The following SACS variants were observed in gnomAD, a reference collection of about 807,000 sequenced individuals.
SACS encodes sacsin.
A neutral mutation model predicts 348.0 loss-of-function variants in SACS; 197 were observed. That is an observed-to-expected ratio of 0.57 (90% confidence interval 0.50 to 0.64). SACS has a LOEUF of 0.64. Ranked by LOEUF, SACS falls within the 30% of genes least tolerant of loss-of-function variation. The pLI, the probability that SACS is intolerant of heterozygous loss-of-function variation, is 0.00. For synonymous variants in SACS, 1,985 were observed against 1,910.6 expected (o/e 1.04, Z -1.02); for missense variants, 4,999 against 5,360.8 (o/e 0.93, Z 2.11).
chr13:23,330,761 G>A lies in SACS; in HGVS notation c.13115C>T (p.Ala4372Val). The A allele has an allele frequency of 5.0e-6, 8 of 1,613,748 alleles. No homozygotes were observed. The highest frequency in any genetic ancestry group is 6.8e-6 in the Non-Finnish European group (8 of 1,179,886). The change falls in exon 10 of 10, where the codon GCA (alanine) becomes GTA (valine). Residue 4372 changes from alanine to valine, a missense_variant. Physicochemically the swap from Ala to Val is moderately conservative, Grantham distance 64. Transcript: ENST00000382292. ...LEKQAFLDQN[A>V]DRASRRTFST... ...AAATGTTCGTCTGGAGGCCCTGTCT[G>A]CATTTTGATCTAGAAAAGCCTGTTT...
At chr13:23,359,892 G>A (rs901869650) in intron 6 of SACS, among the ~76,000 whole-genome samples, 1 of 152,138 alleles carries the variant, frequency 6.6e-6, no homozygotes, top group Middle Eastern at 3.2e-3. Context: ...ACATGGGGAT[G>A]TGACCCAGTT....
Position 23,336,764 on chromosome 13 carries a change from A to C in SACS, c.7112T>G (p.Leu2371Arg). 1 of 1,613,964 alleles carries C rather than the reference A, an allele frequency of 6.2e-7. No homozygotes were observed. Among genetic ancestry groups the C allele is most frequent in the Non-Finnish European group, 8.5e-7 (1 of 1,179,878 alleles). The change falls in exon 10 of 10, where the codon CTT becomes CGT. Residue 2371 changes from leucine to arginine, a missense_variant. Coordinates refer to ENST00000382292, the MANE Select transcript of SACS (RefSeq NM_014363.6). ...FHLNFEAAPYLYQLPNKYKNN... is the reference protein window; with the variant it reads ...FHLNFEAAPYRYQLPNKYKNN... ...TTTATACTTATTAGGCAACTGATAA[A>C]GGTATGGTGCCGCCTCAAAATTTAA... is the stretch of plus-strand genomic sequence containing the variant.
chr13:23,392,100 C>T (rs1265241666), intron 2 of SACS, among the ~76,000 whole-genome samples: 1 of 152,146 alleles, frequency 6.6e-6, no homozygotes, highest in African/African-American at 2.4e-5. Flanking sequence ...CTACCGGGTC[C>T]CCCCAACTTG....
intron 1 of SACS, among the ~76,000 whole-genome samples, chr13:23,417,374 G>T (rs927270796): frequency 6.6e-6 from 1 of 152,172 alleles, no homozygotes; most frequent in African/African-American, 2.4e-5. Flanking sequence ...GGGAAGACTT[G>T]CTCTAGAAGA....
chr13:23,405,191 T>G (rs111729896), intron 2 of SACS, among the ~76,000 whole-genome samples: 1,641 of 152,288 alleles, frequency 0.011, 22 homozygotes, highest in African/African-American at 0.037. Context: ...CAAAACAGCA[T>G]GGTACTGGTA....
chr13:23,426,008 T>C (rs73154646), intron 1 of SACS, among the ~76,000 whole-genome samples: 308 of 152,336 alleles, frequency 2.0e-3, no homozygotes, highest in Non-Finnish European at 3.3e-3. Flanking sequence ...TTCAGTCTCA[T>C]AACAGCCTAG....
chr13:23,375,472 G>T, intron 2 of SACS: 1 of 1,163,870 alleles, frequency 8.6e-7, no homozygotes, highest in Non-Finnish European at 1.1e-6. Context: ...GGATCCGCAT[G>T]GCGCAGTCCC....
In SACS at chr13:23,330,445, A is replaced by G. The variant is rs1223955498; in HGVS notation, c.13431T>C (p.Cys4477=). Residue 4477 remains cysteine (C), a synonymous_variant, in exon 10 of 10, where the codon TGT becomes TGC. Coordinates refer to ENST00000382292, the MANE Select transcript of SACS (RefSeq NM_014363.6). ...TCAAAGCTAACTTGGTAGAAAGGTA[A>G]CATTTAAAGCACACCCACTCATTGG... is the stretch of plus-strand genomic sequence containing the variant. ...KNANEWVCFK[C]YLSTKLALIA... is the part of the protein sequence containing the mutation. 6.2e-7 allele frequency: 1 copy of G among 1,614,212 alleles called. No individual in the cohort carries two copies. Among genetic ancestry groups the G allele is most frequent in the Non-Finnish European group, 8.5e-7 (1 of 1,180,026 alleles).
chr13:23,375,274 G>A lies in SACS; in HGVS notation c.21-5C>T, dbSNP rs565378672. The A allele has an allele frequency of 1.3e-5, 19 of 1,457,814 alleles. No individual in the cohort carries two copies. In the South Asian group the frequency reaches 2.5e-4, roughly 19 times the overall value. The allele number at this position is 1,457,814 out of a possible 1,614,324, so 90.3% of individuals were successfully genotyped here. On this transcript the variant is annotated splice_polypyrimidine_tract_variant and splice_region_variant and intron_variant, in intron 2 of 9. Transcript: ENST00000382292. ...AGCACGGTCACCGGGACCCACCTGTGGAAAGCAGAGGGACGCTCAGTCGGG... is the reference window on the plus strand; with the variant it reads ...AGCACGGTCACCGGGACCCACCTGTAGAAAGCAGAGGGACGCTCAGTCGGG...
At chr13:23,363,780 A>AT (rs1277162464) in intron 6 of SACS, among the ~76,000 whole-genome samples, 1 of 152,154 alleles carries the variant, frequency 6.6e-6, no homozygotes, top group Non-Finnish European at 1.5e-5. Flanking sequence ...TGGGAGAAAG[A>AT]TTTTCTCATA....
chr13:23,375,142 G>T lies in SACS; in HGVS notation c.148C>A (p.Arg50=). 6.7e-7 allele frequency: 1 copy of T among 1,502,564 alleles called. No individual in the cohort carries two copies. The highest frequency in any genetic ancestry group is 8.9e-7 in the Non-Finnish European group (1 of 1,126,194). The allele number at this position is 1,502,564 out of a possible 1,614,324, so 93.1% of individuals were successfully genotyped here. Residue 50 remains arginine, a synonymous_variant, in exon 3 of 10, where the codon CGG becomes AGG. Coordinates refer to ENST00000382292, the MANE Select transcript of SACS (RefSeq NM_014363.6). ...ACCTCGCGGCCGCCGCGCCACAGCC[G>T]CTGCTCCGACACCGGGAAGCCAGTC... ...AETGFPVSEQ[R]LWRGGRELSD...
At position 23,333,848 on chromosome 13, in the gene SACS, G is replaced by A; in HGVS notation, c.10028C>T (p.Ala3343Val). ...GTGACATGACAACAAAGGAACAAAT[G>A]CACTGTCTTTGGAACAGATTTTGTT... ...ALNKICSKDS[A>V]FVPLLSCHTA... Residue 3343 changes from alanine to valine, a missense_variant, in exon 10 of 10, where the codon GCA becomes GTA. Physicochemically the swap from Ala to Val is moderately conservative, Grantham distance 64. Coordinates refer to ENST00000382292, the MANE Select transcript of SACS (RefSeq NM_014363.6). 1 of 1,613,846 alleles carries A rather than the reference G, an allele frequency of 6.2e-7. No homozygotes were observed.
chr13:23,335,497 C>T lies in SACS; in HGVS notation c.8379G>A (p.Gln2793=), dbSNP rs776028181. The change falls in exon 10 of 10, where the codon CAG becomes CAA. Residue 2793 remains glutamine, a synonymous_variant. Transcript: ENST00000382292. This position sits in a 1 kb window ranked among gnomAD's most constrained non-coding sequence, Gnocchi z 4.7. The stretch of plus-strand genomic sequence containing the variant: ...TTTGTTGAACTGGTATGTCTTTGAG[C>T]TGCCTCTTTTTAGTAACACTATCAA... The part of the protein sequence containing the change: ...SVIDSVTKKR[Q]LKDIPVQQIT... 8.1e-6 allele frequency: 13 copies of T among 1,613,538 alleles called. No homozygotes were observed. Among genetic ancestry groups the T allele is most frequent in the South Asian group, 1.1e-5 (1 of 91,082 alleles).
At chr13:23,416,748 C>T (rs1355547014) in intron 1 of SACS, among the ~76,000 whole-genome samples, 1 of 145,748 alleles carries the variant, frequency 6.9e-6, no homozygotes, top group Non-Finnish European at 1.5e-5. Flanking sequence ...CAAGAAACTC[C>T]ATCTTAAAAA....
At chr13:23,375,409 C>A in intron 2 of SACS, 140 bp from the exon 3 acceptor site, 3 of 1,226,610 alleles carry the variant, frequency 2.4e-6, no homozygotes, top group Non-Finnish European at 3.0e-6. Context: ...CGCCGGCGCC[C>A]GATCACGGCC....
Position 23,334,114 on chromosome 13 carries a change from A to T in SACS, c.9762T>A (p.Ser3254=), listed in dbSNP as rs1883672788. The T allele has an allele frequency of 1.9e-6, 3 of 1,613,808 alleles. No homozygotes were observed. The highest frequency in any genetic ancestry group is 2.5e-6 in the Non-Finnish European group (3 of 1,179,778). ...LKNAWHFISE[S]VSVKEDQEET... ...CTTCCTGATCTTCTTTCACACTTAC[A>T]GATTCACTAATAAAATGCCATGCAT... Residue 3254 remains serine (S), a synonymous_variant, in exon 10 of 10, where the codon TCT becomes TCA. Coordinates refer to ENST00000382292, the MANE Select transcript of SACS (RefSeq NM_014363.6).
At position 23,335,712 on chromosome 13, in the gene SACS, T is replaced by G; in HGVS notation, c.8164A>C (p.Met2722Leu). 1 of 1,614,066 alleles carries G rather than the reference T, an allele frequency of 6.2e-7. No homozygotes were observed. The highest frequency in any genetic ancestry group is 8.5e-7 in the Non-Finnish European group (1 of 1,179,908). ...EISSVPASDR[M>L]VQNLLDKLRS... Reference sequence around the variant, plus strand: ...AGTTTGTCCAAAAGATTCTGGACCATTCTGTCTGATGCTGGAACAGACGAA... The same window carrying G: ...AGTTTGTCCAAAAGATTCTGGACCAGTCTGTCTGATGCTGGAACAGACGAA... Residue 2722 changes from methionine to leucine, a missense_variant, in exon 10 of 10, where the codon ATG (methionine) becomes CTG (leucine). By Grantham distance (15) the Met-to-Leu change is conservative (BLOSUM62 2). This residue lies in a region of SACS where 3,156 missense variants were observed against 3,380.1 expected (regional missense o/e 0.93). Coordinates refer to ENST00000382292, the MANE Select transcript of SACS (RefSeq NM_014363.6). The surrounding 1 kb of genome is among the most constrained non-coding windows in gnomAD (Gnocchi z 4.7).
intron 9 of SACS, among the ~76,000 whole-genome samples, chr13:23,344,812 A>T (rs564587826): frequency 4.3e-4 from 65 of 152,362 alleles, no homozygotes; most frequent in African/African-American, 1.5e-3. Context: ...CTCTTCCAAG[A>T]GTAGCTTTTG....
At chr13:23,380,838 C>G (rs1314180990) in intron 2 of SACS, among the ~76,000 whole-genome samples, 1 of 152,144 alleles carries the variant, frequency 6.6e-6, no homozygotes, top group East Asian at 1.9e-4. Context: ...GAAAAGATGA[C>G]CCGAGGGGAC....
Sources: gnomAD v4.1 joint callset for allele counts (sites outside exome capture counted in the v4.1 genomes callset) on GRCh38, gnomAD v4.1.1 for gene constraint, gnomAD v4.1.1 regional missense constraint, Gnocchi (gnomAD v3.1) non-coding constraint, MANE v1.5 for transcripts, NCBI Gene and HGNC (gene_info 2026-07-23, HGNC 2026-07-21) for gene names.